AKAP6: variants seen among roughly 807,000 people sequenced by gnomAD.
AKAP6 encodes A-kinase anchoring protein 6.
In AKAP6, 58 loss-of-function variants were observed where a neutral mutation model predicts 188.5. The ratio of observed to expected loss-of-function variants is 0.31; its 90% CI spans 0.25 to 0.38. The LOEUF is 0.38. Among genes scored for constraint, AKAP6 ranks in the 10% least tolerant of loss-of-function variants. AKAP6 has a pLI of 1.00. For synonymous variants in AKAP6, 989 were observed against 998.6 expected (o/e 0.99, Z 0.18); for missense variants, 2,710 against 2,740.0 (o/e 0.99, Z 0.24).
At chr14:32,392,395 ATATG>A (rs1055677695) in intron 1 of AKAP6, among the ~76,000 whole-genome samples, 1 of 152,300 alleles carries the variant, frequency 6.6e-6, no homozygotes, top group African/African-American at 2.4e-5. Flanking sequence ...GGAGGTGTGA[ATATG>A]AACTCATGGT....
Position 32,526,978 on chromosome 14 carries a change from A to T in AKAP6, c.325-8576A>T, listed in dbSNP as rs556643675. Among the ~76,000 whole-genome samples the T allele has an allele frequency of 3.3e-5, 5 of 152,306 alleles. No individual in the cohort carries two copies. The East Asian group carries it at 9.7e-4, about 29-fold the overall frequency. On this transcript the variant is annotated intron_variant, in intron 2 of 13. Coordinates refer to ENST00000280979, the MANE Select transcript of AKAP6 (RefSeq NM_004274.5). ...GGCACATCATTATCACCCCAATTCCATAGTGTACATAGTGTACATTGGGTT... is the reference window on the plus strand; with the variant it reads ...GGCACATCATTATCACCCCAATTCCTTAGTGTACATAGTGTACATTGGGTT...
At chr14:32,420,299 T>C (rs2138662609) in intron 1 of AKAP6, among the ~76,000 whole-genome samples, 1 of 152,228 alleles carries the variant, frequency 6.6e-6, no homozygotes, top group Non-Finnish European at 1.5e-5. Flanking sequence ...CCTCTCACTG[T>C]AAAAGATGAG....
At chr14:32,635,415 A>G (rs954359035) in intron 7 of AKAP6, among the ~76,000 whole-genome samples, 36 of 152,206 alleles carry the variant, frequency 2.4e-4, no homozygotes, top group Admixed American at 2.0e-4. Context: ...TCTAATTTGT[A>G]TCAATCACTA....
chr14:32,641,092 C>T (rs1887734257), intron 7 of AKAP6, among the ~76,000 whole-genome samples: 2 of 151,988 alleles, frequency 1.3e-5, no homozygotes, highest in Non-Finnish European at 2.9e-5. Context: ...CTCTTCTACT[C>T]TCTGGAAGGT....
intron 2 of AKAP6, among the ~76,000 whole-genome samples, chr14:32,500,363 A>G (rs1392376974): frequency 1.3e-5 from 2 of 152,214 alleles, no homozygotes; most frequent in Non-Finnish European, 2.9e-5. Context: ...CTAGCTTAAA[A>G]TGAATATTGC....
intron 1 of AKAP6, among the ~76,000 whole-genome samples, chr14:32,399,102 C>T (rs1458200872): frequency 2.0e-5 from 3 of 152,058 alleles, no homozygotes; most frequent in East Asian, 3.9e-4. Flanking sequence ...AATTCACCCG[C>T]CTTGGCCTCC....
intron 7 of AKAP6, among the ~76,000 whole-genome samples, chr14:32,651,704 C>G (rs1888235724): frequency 6.6e-6 from 1 of 152,168 alleles, no homozygotes; most frequent in Non-Finnish European, 1.5e-5. Flanking sequence ...GCCCTCATGA[C>G]TTAATTACCT....
intron 7 of AKAP6, among the ~76,000 whole-genome samples, chr14:32,666,741 A>G (rs902096734): frequency 2.0e-5 from 3 of 151,992 alleles, no homozygotes; most frequent in African/African-American, 7.2e-5. Context: ...GATATCTTAC[A>G]TTTTTGGTGC....
intron 7 of AKAP6, among the ~76,000 whole-genome samples, chr14:32,609,095 C>T (rs535970737): frequency 6.6e-5 from 10 of 152,128 alleles, no homozygotes; most frequent in Non-Finnish European, 1.5e-4. Flanking sequence ...GGGATTACTC[C>T]GCTCTGGCTT....
At chr14:32,368,327 G>A (rs1887900001) in intron 1 of AKAP6, among the ~76,000 whole-genome samples, 1 of 152,172 alleles carries the variant, frequency 6.6e-6, no homozygotes, top group African/African-American at 2.4e-5. Context: ...TGCATCTCAG[G>A]TGGTAGACAT....
Position 32,451,374 on chromosome 14 carries a change from T to G in AKAP6, c.324+17557T>G, listed in dbSNP as rs140832557. On this transcript the variant is annotated intron_variant, in intron 2 of 13. Transcript: ENST00000280979. ...TTTTCTGCTTCCTTCCATTTATTTT[T>G]CTTTCTGGCCTGTTCTGCAGAGTTT... Among the ~76,000 whole-genome samples the G allele has an allele frequency of 1.6e-3, 246 of 152,350 alleles. 2 individuals are homozygous for G. Among genetic ancestry groups the G allele is most frequent in the African/African-American group, 5.6e-3 (233 of 41,592 alleles).
chr14:32,554,907 C>T (rs1365338279), intron 4 of AKAP6, among the ~76,000 whole-genome samples: 3 of 152,278 alleles, frequency 2.0e-5, no homozygotes, highest in South Asian at 2.1e-4. Context: ...CTGGAAGATA[C>T]GACTTAGTCA....
intron 1 of AKAP6, among the ~76,000 whole-genome samples, chr14:32,360,642 A>G (rs1280593159): frequency 6.6e-6 from 1 of 151,518 alleles, no homozygotes; most frequent in Non-Finnish European, 1.5e-5. Flanking sequence ...TTTATTCTTG[A>G]ATTATAATCC....
Position 32,584,092 on chromosome 14 carries a change from C to T in AKAP6, c.2469+6850C>T, listed in dbSNP as rs140556340. On this transcript the variant is annotated intron_variant, in intron 5 of 13. Transcript: ENST00000280979. The stretch of plus-strand genomic sequence containing the variant: ...ATCACTCACGCTGGGAGCTGTAGAC[C>T]GGAGCTGTTCCTATTTGGCCATCTT... Among the ~76,000 whole-genome samples, 485 of 152,280 alleles carry T rather than the reference C, an allele frequency of 3.2e-3. 3 individuals are homozygous for T. The highest frequency in any genetic ancestry group is 0.011 in the African/African-American group (461 of 41,558).
chr14:32,450,323 T>C (rs1335299671), intron 2 of AKAP6, among the ~76,000 whole-genome samples: 1 of 151,094 alleles, frequency 6.6e-6, no homozygotes, highest in Admixed American at 6.6e-5. Context: ...TGTGTGTGTG[T>C]GAGAGAGAGA....
At chr14:32,641,988 C>T (rs1188160158) in intron 7 of AKAP6, among the ~76,000 whole-genome samples, 1 of 152,130 alleles carries the variant, frequency 6.6e-6, no homozygotes, top group Non-Finnish European at 1.5e-5. Context: ...AGACTGTTAA[C>T]ATTATTTTTC....
chr14:32,729,727 A>C (rs549524809), intron 9 of AKAP6, among the ~76,000 whole-genome samples: 1 of 152,142 alleles, frequency 6.6e-6, no homozygotes, highest in East Asian at 1.9e-4. Context: ...AGAGAGGCCC[A>C]CAGCAGGTGC....
intron 2 of AKAP6, among the ~76,000 whole-genome samples, chr14:32,513,940 A>AT (rs150105072): frequency 0.019 from 2,935 of 151,788 alleles, 74 homozygotes; most frequent in African/African-American, 0.054. Context: ...GCATCTGTGC[A>AT]TTTTTTTTCA....
intron 4 of AKAP6, among the ~76,000 whole-genome samples, chr14:32,555,316 C>T (rs187714443): frequency 3.3e-5 from 5 of 151,702 alleles, no homozygotes; most frequent in Non-Finnish European, 7.4e-5. Context: ...GTTTTTCCCC[C>T]GAGATTAACT....
Sources: allele counts gnomAD v4.1 joint callset (sites outside exome capture counted in the v4.1 genomes callset), GRCh38; gene constraint gnomAD v4.1.1; transcripts MANE v1.5; gene names NCBI Gene and HGNC (gene_info 2026-07-23, HGNC 2026-07-21).